Variants in HSD17B12 observed in about 807,000 individuals in gnomAD.
The protein encoded by HSD17B12 is very-long-chain 3-oxoacyl-CoA reductase.
A neutral mutation model predicts 39.3 loss-of-function variants in HSD17B12; 32 were observed. That is an observed-to-expected ratio of 0.81 (90% CI 0.61 to 1.09). The LOEUF is 1.09. Ranked by LOEUF, HSD17B12 falls within the 50% of genes least tolerant of loss-of-function variation. HSD17B12 has a pLI of 0.00. For missense variants in HSD17B12, 342 were observed against 382.9 expected (o/e 0.89, Z 0.89); for synonymous variants, 150 against 146.7 (o/e 1.02, Z -0.16).
chr11:43,806,131 G>GAA (rs1951016188), intron 4 of HSD17B12: 1 of 152,082 alleles, frequency 6.6e-6, no homozygotes, highest in Non-Finnish European at 1.5e-5. Context: ...AGCTCTACCG[G>GAA]GCTTCAGTTT....
At chr11:43,650,401 T>C in the HSD17B12 span, among the ~76,000 whole-genome samples, 1 of 152,148 alleles carries the variant, frequency 6.6e-6, no homozygotes, top group Admixed American at 6.6e-5. Context: ...GAATTAAGAT[T>C]AGAGCAACAA....
At chr11:43,754,767 C>T in intron 3 of HSD17B12, 1 of 614,694 alleles carries the variant, frequency 1.6e-6, no homozygotes, top group Non-Finnish European at 2.9e-6. Flanking sequence ...GTTTTTTACT[C>T]TTTTTATCTC....
intron 1 of HSD17B12, among the ~76,000 whole-genome samples, chr11:43,702,115 T>C (rs754845761): frequency 1.3e-5 from 2 of 152,228 alleles, no homozygotes; most frequent in Non-Finnish European, 2.9e-5. Context: ...TTTAATTTCT[T>C]TTTCACATTG....
Position 43,683,256 on chromosome 11 carries a change from G to A in HSD17B12, c.160+2269G>A, listed in dbSNP as rs532434875. On this transcript the variant is annotated intron_variant, in intron 1 of 10. Coordinates refer to ENST00000278353, the MANE Select transcript of HSD17B12 (RefSeq NM_016142.3). ...TGAAAAGATTTGGCCCCAGAGGAAG[G>A]ATAATTGATAAATTAAGGGAAGTAT... is the stretch of plus-strand genomic sequence containing the variant. 1.1e-4 allele frequency among the ~76,000 whole-genome samples: 16 copies of A among 152,220 alleles called. No individual in the cohort carries two copies. The South Asian group carries it at 3.3e-3, about 32-fold the overall frequency.
intron 1 of HSD17B12, among the ~76,000 whole-genome samples, chr11:43,702,031 T>C (rs779204638): frequency 2.0e-5 from 3 of 152,186 alleles, no homozygotes; most frequent in South Asian, 4.1e-4. Context: ...GTTTTTATTA[T>C]AGAGATCTTT....
At position 43,725,330 on chromosome 11, in the gene HSD17B12, G is replaced by A. The variant is rs143278004; in HGVS notation, c.161-25581G>A. ...AAAAAGATGATGCTTGTTTAGCAAT[G>A]TGCTAAAAATACTGAACATCATGCC... On this transcript the variant is annotated intron_variant, in intron 1 of 10. Transcript: ENST00000278353. Among the ~76,000 whole-genome samples, 29 of 152,300 alleles carry A rather than the reference G, an allele frequency of 1.9e-4. No homozygotes were observed. The East Asian group carries it at 5.4e-3, about 28-fold the overall frequency.
intron 6 of HSD17B12, among the ~76,000 whole-genome samples, chr11:43,826,186 C>T (rs1348894561): frequency 6.6e-6 from 1 of 151,656 alleles, no homozygotes; most frequent in Non-Finnish European, 1.5e-5. Flanking sequence ...GGGTTCACGC[C>T]ATTCTCCTGC....
At chr11:43,701,168 A>AT (rs1169391867) in intron 1 of HSD17B12, among the ~76,000 whole-genome samples, 2 of 152,136 alleles carry the variant, frequency 1.3e-5, no homozygotes, top group Non-Finnish European at 2.9e-5. Context: ...TATTCTGCCC[A>AT]TTTTTTGATC....
At chr11:43,617,126 T>C in the HSD17B12 span, among the ~76,000 whole-genome samples, 3 of 152,172 alleles carry the variant, frequency 2.0e-5, no homozygotes, top group Non-Finnish European at 4.4e-5. Context: ...TGGGCTCTTT[T>C]AGCATCTTCT....
the HSD17B12 span, among the ~76,000 whole-genome samples, chr11:43,591,372 C>T: frequency 6.6e-6 from 1 of 152,018 alleles, no homozygotes; most frequent in Non-Finnish European, 1.5e-5. Flanking sequence ...CAAAGTTATC[C>T]TTTAGGAAGT....
intron 1 of HSD17B12, among the ~76,000 whole-genome samples, chr11:43,710,140 C>A (rs1950051351): frequency 6.6e-6 from 1 of 152,198 alleles, no homozygotes; most frequent in Admixed American, 6.5e-5. Flanking sequence ...AAACAGTAAA[C>A]AGAGGCTTTC....
intron 4 of HSD17B12, among the ~76,000 whole-genome samples, chr11:43,799,123 A>C (rs1164601103): frequency 1.3e-5 from 2 of 152,160 alleles, no homozygotes; most frequent in Non-Finnish European, 2.9e-5. Context: ...TTTGTTCACT[A>C]TTACCCCCCG....
chr11:43,639,788 T>G, the HSD17B12 span, among the ~76,000 whole-genome samples: 1 of 152,228 alleles, frequency 6.6e-6, no homozygotes, highest in Admixed American at 6.5e-5. Context: ...TATGTTGCTG[T>G]GAAGCACCAG....
At chr11:43,567,204 C>CTCTAGATA in the HSD17B12 span, among the ~76,000 whole-genome samples, 1 of 152,154 alleles carries the variant, frequency 6.6e-6, no homozygotes, top group Non-Finnish European at 1.5e-5. Flanking sequence ...ATGGCTGTCA[C>CTCTAGATA]TCTAGATATT....
At chr11:43,648,166 A>T in the HSD17B12 span, among the ~76,000 whole-genome samples, 1 of 151,978 alleles carries the variant, frequency 6.6e-6, no homozygotes, top group Non-Finnish European at 1.5e-5. Flanking sequence ...CTTTTTGTTC[A>T]GTTTTCTCTC....
At chr11:43,715,356 T>G (rs1016752649) in intron 1 of HSD17B12, among the ~76,000 whole-genome samples, 14 of 152,132 alleles carry the variant, frequency 9.2e-5, no homozygotes, top group Non-Finnish European at 1.5e-4. Context: ...TTTTGTCAAA[T>G]GCCTTTTCTG....
intron 4 of HSD17B12, among the ~76,000 whole-genome samples, chr11:43,811,525 C>T (rs1256551055): frequency 4.6e-5 from 7 of 152,236 alleles, no homozygotes; most frequent in South Asian, 2.1e-4. Flanking sequence ...AGCCCTTCTC[C>T]GTGATACTAT....
At chr11:43,583,293 G>A in the HSD17B12 span, among the ~76,000 whole-genome samples, 3 of 152,242 alleles carry the variant, frequency 2.0e-5, no homozygotes, top group Non-Finnish European at 2.9e-5. Context: ...CAGGGCCCAA[G>A]GAGCAACGGC....
chr11:43,568,731 C>T, the HSD17B12 span, among the ~76,000 whole-genome samples: 1 of 152,232 alleles, frequency 6.6e-6, no homozygotes, highest in African/African-American at 2.4e-5. Flanking sequence ...CTGTCACTCT[C>T]AGCTTAAGTT....
Sources: allele counts gnomAD v4.1 joint callset (sites outside exome capture counted in the v4.1 genomes callset), GRCh38; gene constraint gnomAD v4.1.1; transcripts MANE v1.5; gene names NCBI Gene and HGNC (gene_info 2026-07-23, HGNC 2026-07-21).